The following ZBTB40 variants were observed in gnomAD, a reference collection of about 807,000 sequenced individuals.
The protein encoded by ZBTB40 is zinc finger and BTB domain-containing protein 40.
ZBTB40 carries 60 observed loss-of-function variants against 117.5 expected under a neutral mutation model. That is an observed-to-expected ratio of 0.51 (90% CI 0.41 to 0.63). The LOEUF (loss-of-function observed/expected upper bound fraction) is 0.63, where lower values mean the gene tolerates loss of function less well. Among genes scored for constraint, ZBTB40 ranks in the 30% least tolerant of loss-of-function variants. ZBTB40 has a pLI of 0.00. For synonymous variants in ZBTB40, 525 were observed against 577.1 expected, an observed-to-expected ratio of 0.91 and a Z score of 1.29; for missense variants, 1,287 against 1,498.5, an observed-to-expected ratio of 0.86 and a Z score of 2.33.
At position 22,521,687 on chromosome 1, in the gene ZBTB40, C is replaced by T. The variant is rs368910367; in HGVS notation, c.3211+29C>T. 217 of 1,614,010 alleles carry T rather than the reference C, an allele frequency of 1.3e-4. 1 individual carries two copies. Among genetic ancestry groups the T allele is most frequent in the Admixed American group, 8.3e-5 (5 of 59,994 alleles). On this transcript the variant is annotated intron_variant, in intron 15 of 17. Coordinates refer to ENST00000375647, the MANE Select transcript of ZBTB40 (RefSeq NM_014870.4). ...GAGTTTGGGTACCGCCGGCAGAGAGCGGGAGGGGCTTGATGGTGTAGCCTC... is the reference window on the plus strand; with the variant it reads ...GAGTTTGGGTACCGCCGGCAGAGAGTGGGAGGGGCTTGATGGTGTAGCCTC...
In ZBTB40 at chr1:22,433,432, C is replaced by CAAAAAAAAAAAAAAAAAAAA; in HGVS notation, c.-70+4424_-70+4443dup. Among the ~76,000 whole-genome samples the CAAAAAAAAAAAAAAAAAAAA allele has an allele frequency of 6.3e-3, 55 of 8,746 alleles. 9 individuals carry two copies. The highest frequency in any genetic ancestry group is 0.011 in the Non-Finnish European group (39 of 3,572). The allele number at this position is 8,746 out of a possible 152,430, so 5.7% of individuals were successfully genotyped here. A position where few individuals can be genotyped will look rare whatever the true frequency, so the allele number is the denominator to read the frequency against. On this transcript the variant is annotated intron_variant, in intron 1 of 8. Transcript: ENST00000650433. ...TGGGCGACAGAGCAAGACGCCCTCT[C>CAAAAAAAAAAAAAAAAAAAA]AAAAAAAAAAAAAAAAAAAAAAAAA...
chr1:22,456,951 C>T (rs550796118), intron 1 of ZBTB40, among the ~76,000 whole-genome samples: 16 of 152,198 alleles, frequency 1.1e-4, no homozygotes, highest in Non-Finnish European at 2.1e-4. Flanking sequence ...GTCAGTTCCT[C>T]AGACTTAACG....
intron 10 of ZBTB40, 134 bp downstream of exon 10, chr1:22,511,481 TA>T: frequency 7.4e-7 from 1 of 1,350,934 alleles, no homozygotes. Flanking sequence ...TCTGAATACC[TA>T]AAAAAGTCAT....
chr1:22,461,706 T>C (rs1641138148), intron 1 of ZBTB40, among the ~76,000 whole-genome samples: 1 of 152,178 alleles, frequency 6.6e-6, no homozygotes. Context: ...CTGTAGTCTC[T>C]TCAGTGCTCT....
chr1:22,431,384 G>GTATATATA (rs59021263), intron 1 of ZBTB40, among the ~76,000 whole-genome samples: 2,866 of 119,340 alleles, frequency 0.024, 74 homozygotes, highest in Middle Eastern at 0.073. Flanking sequence ...GTGTGTGTGT[G>GTATATATA]TATATATATA....
intron 1 of ZBTB40, among the ~76,000 whole-genome samples, chr1:22,452,277 G>C (rs1640895545): frequency 6.6e-6 from 1 of 152,142 alleles, no homozygotes; most frequent in Non-Finnish European, 1.5e-5. Flanking sequence ...CCTGGGGCTC[G>C]CTGTCGCCCC....
chr1:22,526,948 G>T lies in ZBTB40; in HGVS notation c.*552G>T, dbSNP rs930075888. On this transcript the variant is annotated 3_prime_UTR_variant, in exon 18 of 18. Coordinates refer to ENST00000375647, the MANE Select transcript of ZBTB40 (RefSeq NM_014870.4). ...TCCTATCATCCTACCCTCTGCTGGG[G>T]TTCCCCCTCCACCCAGTGGCCACGC... 9.9e-6 allele frequency: 2 copies of T among 202,636 alleles called. No homozygotes were observed. Among genetic ancestry groups the T allele is most frequent in the Non-Finnish European group, 2.0e-5 (2 of 98,060 alleles). 12.6% of individuals were successfully genotyped at this position (202,636 alleles called of 1,614,324 possible).
At position 22,508,776 on chromosome 1, in the gene ZBTB40, G is replaced by A. The variant is rs374748582; in HGVS notation, c.1699+45G>A. On this transcript the variant is annotated intron_variant, in intron 8 of 17. Transcript: ENST00000375647. Reference sequence around the variant, plus strand: ...GGGGGGTTTTGCCCCCACTAGAGATGACTGTCAGTCTTCCTAGAAAATAGG... The same window carrying A: ...GGGGGGTTTTGCCCCCACTAGAGATAACTGTCAGTCTTCCTAGAAAATAGG... 8.2e-6 allele frequency: 13 copies of A among 1,579,892 alleles called. No homozygotes were observed. In the Admixed American group the frequency reaches 1.5e-4, roughly 19 times the overall value.
At chr1:22,522,945 C>CTTTTTTTT (rs34232963) in intron 16 of ZBTB40, among the ~76,000 whole-genome samples, 2,110 of 93,842 alleles carry the variant, frequency 0.022, 185 homozygotes, top group East Asian at 0.04. Context: ...TAAGATGTAC[C>CTTTTTTTT]TTTTTTTTTT....
At chr1:22,485,858 G>A (rs922539844) in intron 1 of ZBTB40, among the ~76,000 whole-genome samples, 3 of 152,034 alleles carry the variant, frequency 2.0e-5, no homozygotes, top group African/African-American at 7.2e-5. Flanking sequence ...CTTCATTTCT[G>A]TTATGGTGTT....
chr1:22,431,085 T>C (rs1251186759), intron 1 of ZBTB40, among the ~76,000 whole-genome samples: 1 of 151,782 alleles, frequency 6.6e-6, no homozygotes, highest in Non-Finnish European at 1.5e-5. Flanking sequence ...CTCTCTTCTT[T>C]ATCAGTTTCT....
chr1:22,491,344 A>T lies in ZBTB40; in HGVS notation c.698-56A>T, dbSNP rs1007124784. 4 of 1,601,660 alleles carry T rather than the reference A, an allele frequency of 2.5e-6. No individual in the cohort carries two copies. The African/African-American group carries it at 5.4e-5, about 21-fold the overall frequency. ...AGGTGCTCAGACAGCTTAAACTTGT[A>T]AAAATTTATTTCAAGTAATGAATTT... On this transcript the variant is annotated intron_variant, in intron 2 of 17. Transcript: ENST00000375647.
chr1:22,496,716 G>A (rs1638785702), intron 3 of ZBTB40, among the ~76,000 whole-genome samples: 2 of 152,222 alleles, frequency 1.3e-5, no homozygotes, highest in Non-Finnish European at 2.9e-5. Flanking sequence ...CTGTCTCTCA[G>A]CAATGCTTCC....
rs751983432 is a variant in ZBTB40 at position 22,509,089 on chromosome 1, CT to C, written c.1700-4del. 2 of 1,613,850 alleles carry C rather than the reference CT, an allele frequency of 1.2e-6. No homozygotes were observed. The highest frequency in any genetic ancestry group is 1.3e-5 in the African/African-American group (1 of 74,866). ...TTTGCCTAATGAGTTTTTGATCCCC[CT>C]TTTTTTCAGTGACCACCCCAGAACA... On this transcript the variant is annotated splice_polypyrimidine_tract_variant and intron_variant, in intron 8 of 17. Coordinates refer to ENST00000375647, the MANE Select transcript of ZBTB40 (RefSeq NM_014870.4).
At chr1:22,431,384 G>GTGTATATATATATATATATATA (rs1222294324) in intron 1 of ZBTB40, among the ~76,000 whole-genome samples, 1 of 119,710 alleles carries the variant, frequency 8.4e-6, no homozygotes, top group African/African-American at 3.7e-5. Context: ...GTGTGTGTGT[G>GTGTATATATATATATATATATA]TATATATATA....
rs1165044776 is a variant in ZBTB40 at position 22,509,132 on chromosome 1, A to G, written c.1732A>G (p.Ile578Val). ...TTPEHATLET[I>V]LRHNQLILEA... ...CCCAGAACATGCCACTTTAGAAACA[A>G]TCCTGAGGCATAACCAGTTGATCTT... The change falls in exon 9 of 18, where the codon ATC becomes GTC. Residue 578 changes from isoleucine to valine, a missense_variant. By Grantham distance (29) the Ile-to-Val change is conservative. Transcript: ENST00000375647. The G allele has an allele frequency of 6.2e-7, 1 of 1,614,132 alleles. No homozygotes were observed. The highest frequency in any genetic ancestry group is 8.5e-7 in the Non-Finnish European group (1 of 1,180,032).
At chr1:22,467,671 C>T (rs1391055932) in intron 1 of ZBTB40, among the ~76,000 whole-genome samples, 2 of 151,834 alleles carry the variant, frequency 1.3e-5, no homozygotes, top group African/African-American at 4.8e-5. Context: ...GACAGGGTTT[C>T]ACCATGTTGG....
intron 3 of ZBTB40, among the ~76,000 whole-genome samples, chr1:22,498,399 G>A (rs952843159): frequency 9.2e-5 from 14 of 152,134 alleles, no homozygotes; most frequent in Non-Finnish European, 1.9e-4. Context: ...TTTCCACTGC[G>A]GAGCCCTAGG....
chr1:22,451,505 C>T (rs1184426041), upstream of ZBTB40, among the ~76,000 whole-genome samples: 2 of 151,900 alleles, frequency 1.3e-5, no homozygotes, highest in Non-Finnish European at 2.9e-5. Flanking sequence ...ATTAGCAGGG[C>T]GTGGTGGCGC....
Sources: gnomAD v4.1 joint callset for allele counts (sites outside exome capture counted in the v4.1 genomes callset) on GRCh38, gnomAD v4.1.1 for gene constraint, MANE v1.5 for transcripts, NCBI Gene and HGNC (gene_info 2026-07-23, HGNC 2026-07-21) for gene names.